The following CHN2 variants were observed in gnomAD, a reference collection of about 807,000 sequenced individuals.
The protein encoded by CHN2 is chimerin 2.
CHN2 carries 35 observed loss-of-function variants against 56.3 expected under a neutral mutation model. That is an observed-to-expected ratio of 0.62 (90% CI 0.47 to 0.82). The LOEUF (loss-of-function observed/expected upper bound fraction) is 0.82, where lower values mean the gene tolerates loss of function less well. Among genes scored for constraint, CHN2 ranks in the 40% least tolerant of loss-of-function variants. The pLI is 0.00. For missense variants in CHN2, 491 were observed against 580.5 expected (o/e 0.85, Z 1.58); for synonymous variants, 210 against 212.8 (o/e 0.99, Z 0.12).
At chr7:29,225,802 AGG>A (rs1315434595) in intron 1 of CHN2, among the ~76,000 whole-genome samples, 1 of 152,144 alleles carries the variant, frequency 6.6e-6, no homozygotes, top group Admixed American at 6.5e-5. Flanking sequence ...CCTCACGTTG[AGG>A]GGACAGTTAC....
chr7:29,341,816 T>C (rs76570411), intron 1 of CHN2, among the ~76,000 whole-genome samples: 2,357 of 152,330 alleles, frequency 0.015, 68 homozygotes, highest in African/African-American at 0.05. Flanking sequence ...TGCTGATTCC[T>C]CCTATGGGAC....
chr7:29,302,107 C>T (rs185206428), intron 1 of CHN2, among the ~76,000 whole-genome samples: 4 of 152,300 alleles, frequency 2.6e-5, no homozygotes, highest in East Asian at 3.9e-4. Context: ...TGCATTGACC[C>T]GTGGCTGTCT....
At chr7:29,490,407 C>A (rs1788534319) in intron 7 of CHN2, among the ~76,000 whole-genome samples, 1 of 152,180 alleles carries the variant, frequency 6.6e-6, no homozygotes, top group Non-Finnish European at 1.5e-5. Context: ...GCTGTATCAC[C>A]TGACACATAA....
chr7:29,396,404 C>T (rs990130846), intron 4 of CHN2, among the ~76,000 whole-genome samples: 3 of 131,320 alleles, frequency 2.3e-5, no homozygotes, highest in African/African-American at 8.7e-5. Flanking sequence ...TTGCAGTGAG[C>T]GAGCTGAGAT....
In CHN2 at chr7:29,223,353, C is replaced by T. The variant is rs909098744; in HGVS notation, c.49+28363C>T. Among the ~76,000 whole-genome samples the T allele has an allele frequency of 4.6e-5, 7 of 152,236 alleles. 1 individual carries two copies. Among genetic ancestry groups the T allele is most frequent in the Admixed American group, 2.0e-4 (3 of 15,278 alleles). On this transcript the variant is annotated intron_variant, in intron 1 of 12. Coordinates refer to ENST00000222792, the MANE Select transcript of CHN2 (RefSeq NM_004067.4). Reference sequence around the variant, plus strand: ...CCTCTCATTTAGTCTTGCCTTGTGTCCACAGCCTTCTCATACCATCCAGGT... The same window carrying T: ...CCTCTCATTTAGTCTTGCCTTGTGTTCACAGCCTTCTCATACCATCCAGGT...
intron 1 of CHN2, among the ~76,000 whole-genome samples, chr7:29,310,458 A>C (rs887302318): frequency 6.6e-6 from 1 of 152,246 alleles, no homozygotes; most frequent in Non-Finnish European, 1.5e-5. Flanking sequence ...CGGGATGCTT[A>C]GTTCAGTAAA....
chr7:29,167,845 T>C (rs923068095), intron 2 of CHN2, among the ~76,000 whole-genome samples: 1 of 152,266 alleles, frequency 6.6e-6, no homozygotes, highest in African/African-American at 2.4e-5. Flanking sequence ...TAATGAATTG[T>C]GAAGGAATGT....
intron 2 of CHN2, chr7:29,186,472 TGAGGAGG>T (rs1447404982): frequency 6.6e-6 from 1 of 151,592 alleles, no homozygotes; most frequent in Non-Finnish European, 1.5e-5. Flanking sequence ...CTTGGGAGGC[TGAGGAGG>T]GAGGATGGAT....
intron 1 of CHN2, among the ~76,000 whole-genome samples, chr7:29,352,749 A>C (rs1310039295): frequency 1.3e-5 from 2 of 152,088 alleles, no homozygotes; most frequent in Non-Finnish European, 2.9e-5. Flanking sequence ...AAAAACAAAA[A>C]AAGCAAAAAA....
intron 6 of CHN2, among the ~76,000 whole-genome samples, chr7:29,425,150 G>T (rs531746534): frequency 6.6e-6 from 1 of 152,350 alleles, no homozygotes; most frequent in South Asian, 2.1e-4. Context: ...CTCTAGCAAT[G>T]ATAGGATGAA....
At chr7:29,220,331 A>G (rs1282026969) in intron 1 of CHN2, among the ~76,000 whole-genome samples, 1 of 151,884 alleles carries the variant, frequency 6.6e-6, no homozygotes, top group Non-Finnish European at 1.5e-5. Flanking sequence ...TTATAGAAGT[A>G]GGAAACGATA....
rs1554294501 is a variant in CHN2 at position 29,442,934 on chromosome 7, C to CTTTTTTTTTTCTTTTT, written c.577-37335_577-37334insCTTTTTTTTTTTTTTT. 2.7e-4 allele frequency among the ~76,000 whole-genome samples: 28 copies of CTTTTTTTTTTCTTTTT among 103,068 alleles called. 1 individual carries two copies. The highest frequency in any genetic ancestry group is 6.1e-3 in the Middle Eastern group (1 of 164). The allele number at this position is 103,068 out of a possible 152,430, so 67.6% of individuals were successfully genotyped here. A position where few individuals can be genotyped will look rare whatever the true frequency, so the allele number is the denominator to read the frequency against. On this transcript the variant is annotated intron_variant, in intron 6 of 12. Transcript: ENST00000222792. ...CATCGCTTTCAATTTCATTGAATTT[C>CTTTTTTTTTTCTTTTT]TTTTTTTTTTTTTTTTTGAGACGGA...
At chr7:29,209,172 C>G (rs772595113) in intron 1 of CHN2, among the ~76,000 whole-genome samples, 10 of 152,052 alleles carry the variant, frequency 6.6e-5, no homozygotes, top group Non-Finnish European at 1.5e-4. Context: ...GATGGTCCAG[C>G]CTCTCCTGAA....
intron 1 of CHN2, among the ~76,000 whole-genome samples, chr7:29,329,703 A>G (rs1451793663): frequency 6.6e-6 from 1 of 152,228 alleles, no homozygotes; most frequent in Non-Finnish European, 1.5e-5. Context: ...TTAAGAAATA[A>G]GTGCATTTTT....
chr7:29,354,799 G>A (rs1428883713), intron 2 of CHN2, 136 bp downstream of exon 2: 1 of 742,334 alleles, frequency 1.3e-6, no homozygotes, highest in Non-Finnish European at 2.3e-6. Context: ...TTTCCACTGA[G>A]GAAAAAGATT....
intron 2 of CHN2, among the ~76,000 whole-genome samples, chr7:29,185,749 G>A (rs1029291844): frequency 3.3e-5 from 5 of 152,036 alleles, no homozygotes; most frequent in African/African-American, 1.2e-4. Context: ...GCAAACCATC[G>A]CCCTAGGACC....
At chr7:29,453,713 G>A (rs1190003784) in intron 6 of CHN2, among the ~76,000 whole-genome samples, 2 of 152,118 alleles carry the variant, frequency 1.3e-5, no homozygotes, top group African/African-American at 2.4e-5. Context: ...TTATTAGTGG[G>A]TGGTTTGGAT....
chr7:29,319,178 C>T (rs540961730), intron 1 of CHN2, among the ~76,000 whole-genome samples: 1 of 152,194 alleles, frequency 6.6e-6, no homozygotes, highest in Non-Finnish European at 1.5e-5. Flanking sequence ...ACCATAAACT[C>T]TTATGTACTT....
rs116075810 is a variant in CHN2, at chr7:29,173,264, C to A, written c.274+26304C>A. 2.5e-3 allele frequency among the ~76,000 whole-genome samples: 385 copies of A among 152,174 alleles called. 1 individual carries two copies. The highest frequency in any genetic ancestry group is 8.7e-3 in the African/African-American group (362 of 41,504). Reference sequence around the variant, plus strand: ...AAGCAGGAACCCAGAGGAAAAAAAGCCCTGTAGCTGGCATTGCCCTGAATG... The same window carrying A: ...AAGCAGGAACCCAGAGGAAAAAAAGACCTGTAGCTGGCATTGCCCTGAATG... On this transcript the variant is annotated intron_variant, in intron 2 of 6. Transcript: ENST00000439384.
Sources: allele counts gnomAD v4.1 joint callset (sites outside exome capture counted in the v4.1 genomes callset), GRCh38; gene constraint gnomAD v4.1.1; transcripts MANE v1.5; gene names NCBI Gene and HGNC (gene_info 2026-07-23, HGNC 2026-07-21).